The following MAP9 variants were observed in gnomAD, a reference collection of about 807,000 sequenced individuals.
MAP9 encodes microtubule-associated protein 9.
In MAP9, 80 loss-of-function variants were observed where a neutral mutation model predicts 75.2. The observed-to-expected ratio is 1.06, with a 90% confidence interval of 0.89 to 1.28. The LOEUF is 1.28. Among genes scored for constraint, MAP9 ranks in the 50% most tolerant of loss-of-function variants. The probability of loss-of-function intolerance (pLI) is 0.00; values close to 1 mark genes in which losing one functional copy is unlikely to be tolerated. For missense variants in MAP9, 753 were observed against 719.9 expected (o/e 1.05, Z -0.53); for synonymous variants, 235 against 237.3 (o/e 0.99, Z 0.09).
intron 13 of MAP9, among the ~76,000 whole-genome samples, chr4:155,348,239 A>C (rs960372090): frequency 2.9e-5 from 4 of 138,254 alleles, no homozygotes; most frequent in Admixed American, 2.1e-4. Flanking sequence ...TAGGAGGCTG[A>C]GATGGGAGGA....
At chr4:155,368,316 C>T in intron 5 of MAP9, 1 of 561,382 alleles carries the variant, frequency 1.8e-6, no homozygotes, top group Non-Finnish European at 3.1e-6. Flanking sequence ...TGGATAAACT[C>T]TACAATCACT....
At chr4:155,364,686 G>A (rs1417816453) in intron 5 of MAP9, among the ~76,000 whole-genome samples, 1 of 150,630 alleles carries the variant, frequency 6.6e-6, no homozygotes, top group Non-Finnish European at 1.5e-5. Context: ...TAACTCTATT[G>A]TGGGGATTAT....
At chr4:155,374,169 T>A (rs1258424908) in intron 3 of MAP9, among the ~76,000 whole-genome samples, 1 of 151,996 alleles carries the variant, frequency 6.6e-6, no homozygotes, top group Non-Finnish European at 1.5e-5. Flanking sequence ...TGAAACCCCA[T>A]CTCTACTAAA....
intron 4 of MAP9, 164 bp downstream of exon 4, chr4:155,372,972 G>T (rs763749801): frequency 5.9e-4 from 301 of 506,166 alleles, no homozygotes; most frequent in Non-Finnish European, 7.0e-4. Flanking sequence ...AATACAACAG[G>T]TCTGTAAAAT....
rs1346791002 is a variant in MAP9 at position 155,343,486 on chromosome 4, C to T, written c.*4297G>A. ...ATAATTATATAATTATATTATCTCT[C>T]TCTGTAATTTGTGTAGTAAAACATC... On this transcript the variant is annotated 3_prime_UTR_variant, in exon 14 of 14. Coordinates refer to ENST00000311277, the MANE Select transcript of MAP9 (RefSeq NM_001039580.2). 1.3e-5 allele frequency: 2 copies of T among 151,454 alleles called. No homozygotes were observed. The highest frequency in any genetic ancestry group is 4.1e-4 in the South Asian group (2 of 4,832). 9.4% of individuals were successfully genotyped at this position (151,454 alleles called of 1,614,324 possible).
intron 5 of MAP9, among the ~76,000 whole-genome samples, chr4:155,366,358 CAA>C (rs35437967): frequency 4.7e-5 from 6 of 126,506 alleles, no homozygotes; most frequent in Non-Finnish European, 5.3e-5. Flanking sequence ...GACTCTGTCT[CAA>C]AAAAAAAAAA....
chr4:155,369,717 G>C (rs1448642913), intron 4 of MAP9, among the ~76,000 whole-genome samples: 2 of 152,168 alleles, frequency 1.3e-5, no homozygotes, highest in Admixed American at 1.3e-4. Flanking sequence ...CAAGGGATAG[G>C]AGTGCTAACT....
rs1378835239 is a variant in MAP9 at position 155,355,746 on chromosome 4, T to C, written c.1260A>G (p.Arg420=). The C allele has an allele frequency of 2.5e-6, 4 of 1,613,216 alleles. No individual in the cohort carries two copies. In the South Asian group the frequency reaches 4.4e-5, roughly 18 times the overall value. Residue 420 remains arginine (R), a synonymous_variant, in exon 9 of 14, where the codon AGA becomes AGG. Transcript: ENST00000311277. ...AAACAGCTGCCCTTATGTTATCTGC[T>C]CTATCAGGTTCTATGCTCTGTTTCT... is the stretch of plus-strand genomic sequence containing the variant. ...PSQKQSIEPD[R]ADNIRAAVYQ...
At chr4:155,351,327 C>T (rs1731499613) in intron 13 of MAP9, 1 of 151,620 alleles carries the variant, frequency 6.6e-6, no homozygotes, top group African/African-American at 2.4e-5. Context: ...AGGGCAAATT[C>T]CAAGCAGAAC....
rs780699940 is a variant in MAP9, at chr4:155,373,300, G to A, written c.317C>T (p.Pro106Leu). ...CTCTTCATTTTTGATGGCACACACT[G>A]GCTCATCTTTGGTTATGTTACCGTT... is the stretch of plus-strand genomic sequence containing the variant. ...KSNGNITKDE[P>L]VCAIKNEEEM... The change falls in exon 4 of 14, where the codon CCA becomes CTA. Residue 106 changes from proline (P) to leucine (L), a missense_variant. Transcript: ENST00000311277. 3.8e-5 allele frequency: 62 copies of A among 1,613,620 alleles called. No individual in the cohort carries two copies. The Admixed American group carries it at 1.0e-3, about 26-fold the overall frequency.
Position 155,374,993 on chromosome 4 carries a change from C to T in MAP9, c.104G>A (p.Arg35His), listed in dbSNP as rs1191537504. ...QDELIRAITA[R>H]SARQRSSEYS... ...TTCAGAACTCCTTTGTCTGGCTGAGCGAGCTGTAATTGCTCTTATTAGCTC... is the reference window on the plus strand; with the variant it reads ...TTCAGAACTCCTTTGTCTGGCTGAGTGAGCTGTAATTGCTCTTATTAGCTC... The change falls in exon 3 of 14, where the codon CGC becomes CAC. Residue 35 changes from arginine (R) to histidine (H), a missense_variant. Coordinates refer to ENST00000311277, the MANE Select transcript of MAP9 (RefSeq NM_001039580.2). 7 of 1,586,642 alleles carry T rather than the reference C, an allele frequency of 4.4e-6. No homozygotes were observed. Among genetic ancestry groups the T allele is most frequent in the Admixed American group, 1.7e-5 (1 of 59,432 alleles).
At chr4:155,375,462 T>C (rs1732798386) in intron 2 of MAP9, among the ~76,000 whole-genome samples, 1 of 152,004 alleles carries the variant, frequency 6.6e-6, no homozygotes, top group Non-Finnish European at 1.5e-5. Flanking sequence ...AAAATTGCAG[T>C]GACTCAACAG....
intron 5 of MAP9, among the ~76,000 whole-genome samples, chr4:155,363,640 C>G (rs1044978060): frequency 6.6e-6 from 1 of 151,920 alleles, no homozygotes; most frequent in Non-Finnish European, 1.5e-5. Flanking sequence ...AAAAATTCAC[C>G]TGGAAAACAC....
chr4:155,352,359 GGAA>G (rs1203367537), intron 13 of MAP9: 4 of 352,150 alleles, frequency 1.1e-5, no homozygotes, highest in Non-Finnish European at 2.1e-5. Context: ...ATGCAGGTAA[GGAA>G]GAAGATTATA....
At chr4:155,349,061 A>G (rs995439984) in intron 13 of MAP9, among the ~76,000 whole-genome samples, 1 of 152,210 alleles carries the variant, frequency 6.6e-6, no homozygotes, top group African/African-American at 2.4e-5. Flanking sequence ...TATGAGAAGG[A>G]ATAAAAAAGA....
At position 155,375,809 on chromosome 4, in the gene MAP9, CTT is replaced by C. The variant is rs768892917; in HGVS notation, c.40_41del (p.Lys14GlufsTer13). The part of the protein sequence containing the change: ...EVFSTTLAYT[K>X]SPKVTKRTTF... ...TAGTTCTTTTGGTAACTTTTGGACT[CTT>C]TGTATATGCCAAAGTGGTGCTAAAA... is the stretch of plus-strand genomic sequence containing the variant. On this transcript the variant is annotated frameshift_variant, in exon 2 of 14. Coordinates refer to ENST00000311277, the MANE Select transcript of MAP9 (RefSeq NM_001039580.2). LOFTEE classifies it high-confidence loss of function. 50 of 1,610,876 alleles carry C rather than the reference CTT, an allele frequency of 3.1e-5. No homozygotes were observed. The highest frequency in any genetic ancestry group is 4.0e-5 in the Non-Finnish European group (47 of 1,178,150).
At chr4:155,358,339 G>C (rs190967361) in intron 7 of MAP9, among the ~76,000 whole-genome samples, 1 of 152,266 alleles carries the variant, frequency 6.6e-6, no homozygotes, top group African/African-American at 2.4e-5. Context: ...TGAGAGCACA[G>C]ACATAATAAA....
rs902118038 is a variant in MAP9 at position 155,344,267 on chromosome 4, A to G, written c.*3516T>C. On this transcript the variant is annotated 3_prime_UTR_variant, in exon 14 of 14. Transcript: ENST00000311277. ...TAAGGAGATAAATAAGAGGACATGA[A>G]TCAACTAAATTAATAATAACCACAG... is the stretch of plus-strand genomic sequence containing the variant. 1 of 151,912 alleles carries G rather than the reference A, an allele frequency of 6.6e-6. No homozygotes were observed. Among genetic ancestry groups the G allele is most frequent in the African/African-American group, 2.4e-5 (1 of 41,414 alleles). 9.4% of individuals were successfully genotyped at this position (151,912 alleles called of 1,614,324 possible).
chr4:155,372,191 A>G (rs1732631508), intron 4 of MAP9, among the ~76,000 whole-genome samples: 1 of 152,166 alleles, frequency 6.6e-6, no homozygotes, highest in Admixed American at 6.5e-5. Flanking sequence ...TTGTGGGGTC[A>G]GGAAGAAAGG....
Sources: gnomAD v4.1 joint callset for allele counts (sites outside exome capture counted in the v4.1 genomes callset) on GRCh38, gnomAD v4.1.1 for gene constraint, MANE v1.5 for transcripts, NCBI Gene and HGNC (gene_info 2026-07-23, HGNC 2026-07-21) for gene names.